Variants in DACH2 observed in about 807,000 individuals in gnomAD.
The protein encoded by DACH2 is dachshund family transcription factor 2.
In DACH2, 17 loss-of-function variants were observed where a neutral mutation model predicts 35.8. The ratio of observed to expected loss-of-function variants is 0.48; its 90% confidence interval spans 0.33 to 0.71. DACH2 has a LOEUF of 0.71. Ranked by LOEUF, DACH2 falls within the 30% of genes least tolerant of loss-of-function variation. The pLI is 0.02. For missense variants in DACH2, 469 were observed against 472.7 expected (o/e 0.99, Z 0.07); for synonymous variants, 195 against 177.3 (o/e 1.10, Z -0.79).
intron 11 of DACH2, chrX:86,830,547 T>C (rs1456684624): frequency 7.2e-5 from 8 of 111,567 alleles, no homozygotes; most frequent in African/African-American, 1.6e-4. Flanking sequence ...AATATTTCTG[T>C]CTCTAAATAA....
intron 4 of DACH2, among the ~76,000 whole-genome samples, chrX:86,694,472 T>C (rs1160521371): frequency 5.3e-5 from 6 of 112,192 alleles, no homozygotes; most frequent in Non-Finnish European, 9.4e-5. Context: ...AAGGTAAGTA[T>C]AATTTCAAAC....
intron 5 of DACH2, among the ~76,000 whole-genome samples, chrX:86,696,944 G>C (rs960853193): frequency 9.0e-6 from 1 of 111,729 alleles, no homozygotes; most frequent in African/African-American, 3.3e-5. Context: ...AAAGAAAACT[G>C]TTTTACCAGA....
At chrX:86,624,060 C>CAAAAAAAAAAAAAAAAAAAAA (rs34140706) in intron 3 of DACH2, among the ~76,000 whole-genome samples, 1 of 36,052 alleles carries the variant, frequency 2.8e-5, no homozygotes, top group African/African-American at 1.0e-4. Context: ...AAAAACAAAA[C>CAAAAAAAAAAAAAAAAAAAAA]AAAAAAAAAA....
intron 1 of DACH2, among the ~76,000 whole-genome samples, chrX:86,283,895 TACAC>T (rs1214367028): frequency 1.7e-5 from 1 of 59,512 alleles, no homozygotes; most frequent in Non-Finnish European, 3.2e-5. Flanking sequence ...CACACACACA[TACAC>T]ACACACACAC....
At chrX:86,547,315 C>A (rs1468881200) in intron 3 of DACH2, among the ~76,000 whole-genome samples, 1 of 111,596 alleles carries the variant, frequency 9.0e-6, no homozygotes, top group Admixed American at 9.5e-5. Flanking sequence ...TAAAAAATTT[C>A]ATTGGCCAGT....
At chrX:86,740,340 T>A (rs2041640765) in intron 7 of DACH2, among the ~76,000 whole-genome samples, 1 of 110,294 alleles carries the variant, frequency 9.1e-6, no homozygotes, top group Admixed American at 9.7e-5. Context: ...GTATTTATTT[T>A]ATTTTATTTA....
In DACH2 at chrX:86,174,066, G is replaced by C. The variant is rs1466937358; in HGVS notation, c.488+24958G>C. 4.6e-5 allele frequency among the ~76,000 whole-genome samples: 5 copies of C among 109,786 alleles called. No homozygotes were observed. The East Asian group carries it at 1.4e-3, about 32-fold the overall frequency. On this transcript the variant is annotated intron_variant, in intron 1 of 11. Transcript: ENST00000373125. ...GGCTGAAGTTTCCTTCATTTAGTTG[G>C]GGGGGAAGGTGGAGGTAGAGTAGGT...
intron 7 of DACH2, among the ~76,000 whole-genome samples, chrX:86,809,382 T>G (rs1005594009): frequency 3.0e-4 from 34 of 111,525 alleles, no homozygotes; most frequent in Admixed American, 2.4e-3. Context: ...AGTAAACTCC[T>G]ACATAACAGT....
intron 1 of DACH2, among the ~76,000 whole-genome samples, chrX:86,155,226 T>C (rs1210025625): frequency 1.8e-5 from 2 of 110,883 alleles, no homozygotes; most frequent in Non-Finnish European, 3.8e-5. Flanking sequence ...TATACTCTTA[T>C]GAAGGGATTT....
chrX:86,187,819 C>G (rs1402136234), intron 1 of DACH2, among the ~76,000 whole-genome samples: 1 of 111,214 alleles, frequency 9.0e-6, no homozygotes, highest in Non-Finnish European at 1.9e-5. Flanking sequence ...GTCTGAGATT[C>G]CACTATAAGA....
chrX:86,805,558 CT>C (rs370290855), intron 7 of DACH2, among the ~76,000 whole-genome samples: 5,583 of 104,239 alleles, frequency 0.054, 394 homozygotes, highest in African/African-American at 0.18. Flanking sequence ...AGAAAATGGG[CT>C]TTTTTTTTTT....
intron 2 of DACH2, among the ~76,000 whole-genome samples, chrX:86,450,178 A>G (rs764714824): frequency 1.3e-3 from 148 of 110,670 alleles, no homozygotes; most frequent in Non-Finnish European, 2.5e-3. Context: ...TCGCCTAGGT[A>G]TTAAGCCTGA....
chrX:86,728,336 A>C (rs2041494272), intron 6 of DACH2, among the ~76,000 whole-genome samples: 1 of 112,266 alleles, frequency 8.9e-6, no homozygotes, highest in African/African-American at 3.2e-5. Context: ...TGTGGAAGCA[A>C]AGAAATAATG....
intron 7 of DACH2, among the ~76,000 whole-genome samples, chrX:86,745,771 C>G (rs188429634): frequency 9.0e-6 from 1 of 111,606 alleles, no homozygotes; most frequent in African/African-American, 3.2e-5. Flanking sequence ...ATTGCTGGCT[C>G]AAATGGTAGT....
At chrX:86,671,923 A>C (rs534620301) in intron 4 of DACH2, among the ~76,000 whole-genome samples, 1 of 111,697 alleles carries the variant, frequency 9.0e-6, no homozygotes, top group African/African-American at 3.2e-5. Context: ...TTTGACCAAA[A>C]TGCTGATTGT....
chrX:86,610,363 C>CTCTTTCTTTCTTTTTCTTTCTTTCTT (rs2039917131), intron 3 of DACH2, among the ~76,000 whole-genome samples: 55 of 70,094 alleles, frequency 7.8e-4, no homozygotes, highest in South Asian at 3.3e-3. Context: ...TCCTTCCTTC[C>CTCTTTCTTTCTTTTTCTTTCTTTCTT]TCTTTCTTTC....
At chrX:86,690,550 A>T (rs2148440795) in intron 4 of DACH2, among the ~76,000 whole-genome samples, 1 of 111,401 alleles carries the variant, frequency 9.0e-6, no homozygotes, top group South Asian at 3.8e-4. Context: ...CTACCCACTT[A>T]TCCTACAAAG....
At chrX:86,317,425 A>C (rs1364049035) in intron 1 of DACH2, among the ~76,000 whole-genome samples, 1 of 112,182 alleles carries the variant, frequency 8.9e-6, no homozygotes, top group East Asian at 2.8e-4. Flanking sequence ...GTTTTCCTTG[A>C]GACACAGCTG....
chrX:86,590,121 G>T (rs978976680), intron 3 of DACH2, among the ~76,000 whole-genome samples: 6 of 111,694 alleles, frequency 5.4e-5, no homozygotes, highest in Non-Finnish European at 1.1e-4. Flanking sequence ...TCTGAGGAGG[G>T]ATCACTGTCT....
Sources: gnomAD v4.1 joint callset for allele counts (sites outside exome capture counted in the v4.1 genomes callset) on GRCh38, gnomAD v4.1.1 for gene constraint, MANE v1.5 for transcripts, NCBI Gene and HGNC (gene_info 2026-07-23, HGNC 2026-07-21) for gene names.